CDH18: variants seen among roughly 807,000 people sequenced by gnomAD.
CDH18 encodes the protein cadherin-18.
In CDH18, 31 loss-of-function variants were observed where a neutral mutation model predicts 67.9. The observed-to-expected ratio is 0.46, with a 90% CI of 0.34 to 0.62. The LOEUF is 0.62. CDH18 is among the 20% of genes least tolerant of loss of function. The pLI is 0.01. For missense variants in CDH18, 890 were observed against 975.5 expected (o/e 0.91, Z 1.17); for synonymous variants, 362 against 347.2 (o/e 1.04, Z -0.48).
intron 4 of CDH18, among the ~76,000 whole-genome samples, chr5:19,724,540 C>G (rs748656256): frequency 5.2e-4 from 75 of 144,940 alleles, no homozygotes; most frequent in Non-Finnish European, 1.0e-3. Flanking sequence ...CACACACACA[C>G]AAATTTATAC....
At chr5:20,125,309 T>A (rs915825745) in intron 2 of CDH18, among the ~76,000 whole-genome samples, 16 of 152,170 alleles carry the variant, frequency 1.1e-4, no homozygotes, top group East Asian at 9.7e-4. Flanking sequence ...TGTATATGTG[T>A]TTGTGTGTGG....
At chr5:19,525,514 C>T (rs1747625490) in intron 9 of CDH18, among the ~76,000 whole-genome samples, 1 of 152,172 alleles carries the variant, frequency 6.6e-6, no homozygotes, top group Non-Finnish European at 1.5e-5. Context: ...CTGTCAGGGG[C>T]AACCACAGGA....
chr5:20,397,422 G>A (rs906976435), intron 1 of CDH18, among the ~76,000 whole-genome samples: 5 of 152,044 alleles, frequency 3.3e-5, no homozygotes, highest in South Asian at 2.1e-4. Flanking sequence ...ATGAGACACC[G>A]TGCCCGGCCA....
At chr5:20,461,421 A>G (rs1034122164) in intron 1 of CDH18, among the ~76,000 whole-genome samples, 6 of 152,268 alleles carry the variant, frequency 3.9e-5, no homozygotes, top group Admixed American at 6.5e-5. Context: ...CAGTGGCATA[A>G]CTGAGGGGAA....
At chr5:20,062,475 G>C (rs1742586327) in intron 2 of CDH18, among the ~76,000 whole-genome samples, 2 of 152,072 alleles carry the variant, frequency 1.3e-5, no homozygotes. Flanking sequence ...GCAGCATCCT[G>C]AGTGCTGCCT....
intron 1 of CDH18, among the ~76,000 whole-genome samples, chr5:20,411,112 T>C (rs182276020): frequency 1.7e-3 from 252 of 152,032 alleles, no homozygotes; most frequent in African/African-American, 5.9e-3. Flanking sequence ...AATTCTCAAA[T>C]TCATATGGAA....
chr5:20,441,705 T>A (rs1471329545), intron 1 of CDH18, among the ~76,000 whole-genome samples: 4 of 151,948 alleles, frequency 2.6e-5, no homozygotes, highest in East Asian at 1.9e-4. Flanking sequence ...TATGAAGCAC[T>A]ATTTTTTTAT....
At chr5:19,664,491 C>T (rs1371731330) in intron 5 of CDH18, among the ~76,000 whole-genome samples, 1 of 151,766 alleles carries the variant, frequency 6.6e-6, no homozygotes, top group African/African-American at 2.4e-5. Flanking sequence ...AAAAAACAAA[C>T]AAACAAAAGC....
At chr5:20,442,129 G>A (rs1015485882) in intron 1 of CDH18, among the ~76,000 whole-genome samples, 2 of 151,786 alleles carry the variant, frequency 1.3e-5, no homozygotes, top group South Asian at 2.1e-4. Context: ...ACAAGAGTCC[G>A]TGGTATTTGT....
intron 2 of CDH18, among the ~76,000 whole-genome samples, chr5:20,054,637 T>G (rs1741743142): frequency 6.6e-6 from 1 of 152,180 alleles, no homozygotes; most frequent in South Asian, 2.1e-4. Context: ...TTCGGGTATA[T>G]TCTTAGCTTT....
intron 2 of CDH18, among the ~76,000 whole-genome samples, chr5:20,193,195 T>C (rs1454529718): frequency 1.3e-5 from 2 of 151,824 alleles, no homozygotes; most frequent in African/African-American, 2.4e-5. Context: ...GACCGCTAGT[T>C]AGAATAATAA....
rs143714717 is a variant in CDH18, at chr5:20,505,888, A to G, written c.-580+69574T>C. Among the ~76,000 whole-genome samples the G allele has an allele frequency of 3.3e-3, 495 of 152,260 alleles. 2 individuals carry two copies. Among genetic ancestry groups the G allele is most frequent in the Middle Eastern group, 0.014 (4 of 294 alleles). ...GGACTTGCAGAGCATACACTCCCCC[A>G]CGAGAAAGACTCCACCACTCCATGT... is the stretch of plus-strand genomic sequence containing the variant. On this transcript the variant is annotated intron_variant, in intron 1 of 14. Coordinates refer to the CDH18 transcript ENST00000507958.
At chr5:19,724,772 T>A (rs112228923) in intron 4 of CDH18, among the ~76,000 whole-genome samples, 3,897 of 152,202 alleles carry the variant, frequency 0.026, 127 homozygotes, top group African/African-American at 0.076. Flanking sequence ...AGAGAGGTAG[T>A]TTGGGTTTGT....
chr5:20,115,823 G>T (rs797004808), intron 2 of CDH18, among the ~76,000 whole-genome samples: 30 of 152,116 alleles, frequency 2.0e-4, no homozygotes, highest in African/African-American at 7.0e-4. Context: ...TGAGTAAAGT[G>T]GTTGCTTCCT....
chr5:19,852,879 G>A (rs577595054), intron 2 of CDH18, among the ~76,000 whole-genome samples: 1 of 151,996 alleles, frequency 6.6e-6, no homozygotes, highest in African/African-American at 2.4e-5. Flanking sequence ...TGGCCTTCAG[G>A]AGTATTGAAA....
At chr5:19,620,169 C>T (rs2150137820) in intron 5 of CDH18, among the ~76,000 whole-genome samples, 1 of 152,204 alleles carries the variant, frequency 6.6e-6, no homozygotes, top group East Asian at 1.9e-4. Context: ...TGTTTTTTCT[C>T]TTCCTACCAT....
At chr5:20,144,257 T>C (rs1249688131) in intron 2 of CDH18, among the ~76,000 whole-genome samples, 1 of 151,962 alleles carries the variant, frequency 6.6e-6, no homozygotes, top group East Asian at 1.9e-4. Flanking sequence ...GGGAGTATAG[T>C]CCAGATCCGG....
At chr5:19,532,284 T>C (rs1054975194) in intron 9 of CDH18, among the ~76,000 whole-genome samples, 2 of 152,222 alleles carry the variant, frequency 1.3e-5, no homozygotes, top group Non-Finnish European at 2.9e-5. Flanking sequence ...ATTGAAATAC[T>C]AAATATTATA....
intron 2 of CDH18, among the ~76,000 whole-genome samples, chr5:20,205,996 T>G (rs1346676460): frequency 2.0e-5 from 3 of 151,440 alleles, no homozygotes; most frequent in Non-Finnish European, 3.0e-5. Context: ...ATAATAAAGA[T>G]TAGAGCAGAG....
Sources: allele counts gnomAD v4.1 joint callset (sites outside exome capture counted in the v4.1 genomes callset), GRCh38; gene constraint gnomAD v4.1.1; transcripts MANE v1.5; gene names NCBI Gene and HGNC (gene_info 2026-07-23, HGNC 2026-07-21).